Variants in FOXJ2 observed in about 807,000 individuals in gnomAD.
FOXJ2 encodes the protein forkhead box protein J2.
A neutral mutation model predicts 68.4 loss-of-function variants in FOXJ2; 18 were observed. The observed-to-expected ratio is 0.26, with a 90% CI of 0.18 to 0.39. FOXJ2 has a LOEUF of 0.39. FOXJ2 is among the 10% of genes least tolerant of loss of function. The pLI, the probability that FOXJ2 is intolerant of heterozygous loss-of-function variation, is 1.00. For synonymous variants in FOXJ2, 274 were observed against 263.2 expected, an observed-to-expected ratio of 1.04 and a Z score of -0.40; for missense variants, 670 against 726.5, an observed-to-expected ratio of 0.92 and a Z score of 0.89.
chr12:8,054,337 A>C lies in FOXJ2; in HGVS notation c.*1487A>C. The C allele has an allele frequency of 6.6e-6, 1 of 152,224 alleles. No homozygotes were observed. Among genetic ancestry groups the C allele is most frequent in the East Asian group, 1.9e-4 (1 of 5,198 alleles). The allele number at this position is 152,224 out of a possible 1,614,324, so 9.4% of individuals were successfully genotyped here. A position where few individuals can be genotyped will look rare whatever the true frequency, so the allele number is the denominator to read the frequency against. ...AATTTTAGTTACGAGAGGGAAGAAC[A>C]ATTTTACTTCTGTCCTTATTTCACT... On this transcript the variant is annotated 3_prime_UTR_variant, in exon 11 of 11. Transcript: ENST00000162391.
chr12:8,039,064 C>A (rs1946933124), intron 1 of FOXJ2, among the ~76,000 whole-genome samples: 1 of 152,086 alleles, frequency 6.6e-6, no homozygotes, highest in Admixed American at 6.6e-5. Context: ...CAAGGGGTAG[C>A]TTAAAAAGTG....
At chr12:8,043,863 G>T (rs1591578003) in intron 4 of FOXJ2, 88 bp from the exon 5 acceptor site, 1 of 1,601,326 alleles carries the variant, frequency 6.2e-7, no homozygotes, top group East Asian at 2.2e-5. Flanking sequence ...AGGCAAAGGT[G>T]GAAGGAATAC....
chr12:8,050,281 T>G, intron 9 of FOXJ2: 3 of 1,226,856 alleles, frequency 2.4e-6, no homozygotes, highest in East Asian at 3.6e-5. Context: ...TGGCCCTGTG[T>G]TTCTATATTT....
rs1468857325 is a variant in FOXJ2 at position 8,040,697 on chromosome 12, A to C, written c.333+532A>C. On this transcript the variant is annotated intron_variant, in intron 2 of 10. Coordinates refer to ENST00000162391, the MANE Select transcript of FOXJ2 (RefSeq NM_018416.3). This position sits in a 1 kb window ranked among gnomAD's most constrained non-coding sequence, Gnocchi z 4.0. ...CAGCCTCCCAAAGTGCTGAGATTAC[A>C]GGCATGAGCCACTGCACCCGGCCCA... is the stretch of plus-strand genomic sequence containing the variant. 2.6e-5 allele frequency among the ~76,000 whole-genome samples: 4 copies of C among 152,060 alleles called. No individual in the cohort carries two copies. The highest frequency in any genetic ancestry group is 9.7e-5 in the African/African-American group (4 of 41,398).
chr12:8,050,228 G>A lies in FOXJ2; in HGVS notation c.1538-294G>A, dbSNP rs758846049. The stretch of plus-strand genomic sequence containing the variant: ...TGGACTCAAGGGATCTACCCACCTC[G>A]GCTGCCCAAAGTGTTGGGATTACAG... On this transcript the variant is annotated intron_variant, in intron 9 of 10. Coordinates refer to ENST00000162391, the MANE Select transcript of FOXJ2 (RefSeq NM_018416.3). 5.3e-5 allele frequency: 40 copies of A among 749,112 alleles called. No homozygotes were observed. In the African/African-American group the frequency reaches 6.3e-4, roughly 12 times the overall value. The allele number at this position is 749,112 out of a possible 1,614,324, so 46.4% of individuals were successfully genotyped here.
chr12:8,044,954 G>A lies in FOXJ2; in HGVS notation c.813G>A (p.Gln271=). The A allele has an allele frequency of 6.2e-7, 1 of 1,614,196 alleles. No individual in the cohort carries two copies. Among genetic ancestry groups the A allele is most frequent in the Admixed American group, 1.7e-5 (1 of 60,028 alleles). Residue 271 remains glutamine (Q), a synonymous_variant, in exon 6 of 11, where the codon CAG becomes CAA. Coordinates refer to ENST00000162391, the MANE Select transcript of FOXJ2 (RefSeq NM_018416.3). Reference sequence around the variant, plus strand: ...TGGAGAAGTCCTCTTCCTCCTCTCAGCACGGTGAGTCTGGAGTTGGGATGG... The same window carrying A: ...TGGAGAAGTCCTCTTCCTCCTCTCAACACGGTGAGTCTGGAGTTGGGATGG... ...SMLEKSSSSS[Q]HGFSSLLGDI...
intron 7 of FOXJ2, 37 bp downstream of exon 7, chr12:8,048,326 T>A (rs199568294): frequency 6.6e-7 from 1 of 1,514,352 alleles, no homozygotes; most frequent in East Asian, 2.3e-5. Context: ...TAGAGGAGGG[T>A]GGGGTGATGT....
At chr12:8,047,745 C>A (rs768474264) in intron 6 of FOXJ2, 137 bp from the exon 7 acceptor site, 34 of 1,197,188 alleles carry the variant, frequency 2.8e-5, no homozygotes, top group Middle Eastern at 2.8e-4. Flanking sequence ...CCACAGGGAT[C>A]TTTGCTGCCC....
Position 8,053,759 on chromosome 12 carries a change from AAATT to A in FOXJ2, c.*914_*917del, listed in dbSNP as rs373401792. ...GCTTTTTAAACATAATTTTCTCTGA[AAATT>A]AATTGTGGCTCTTATTTGCATTTAC... On this transcript the variant is annotated 3_prime_UTR_variant, in exon 11 of 11. Transcript: ENST00000162391. The surrounding 1 kb of genome is among the most constrained non-coding windows in gnomAD (Gnocchi z 4.1). 1.5e-3 allele frequency: 226 copies of A among 152,338 alleles called. 1 individual carries two copies. The highest frequency in any genetic ancestry group is 5.2e-3 in the African/African-American group (216 of 41,578). 9.4% of individuals were successfully genotyped at this position (152,338 alleles called of 1,614,324 possible). A position where few individuals can be genotyped will look rare whatever the true frequency, so the allele number is the denominator to read the frequency against.
intron 1 of FOXJ2, among the ~76,000 whole-genome samples, chr12:8,037,133 C>G (rs1946908198): frequency 6.6e-6 from 1 of 152,092 alleles, no homozygotes; most frequent in Non-Finnish European, 1.5e-5. Context: ...AACACTTCAT[C>G]AGAGAGGCAC....
rs957944635 is a variant in FOXJ2, at chr12:8,045,003, G to A, written c.817+45G>A. 4 of 1,542,284 alleles carry A rather than the reference G, an allele frequency of 2.6e-6. No homozygotes were observed. The African/African-American group carries it at 5.5e-5, about 21-fold the overall frequency. On this transcript the variant is annotated intron_variant, in intron 6 of 10. Transcript: ENST00000162391. ...GGGTGCAGGGAGACTTTTTTATCTT[G>A]TTGAACAAGTGGGGTGACATTTTCT... is the stretch of plus-strand genomic sequence containing the variant.
chr12:8,049,221 T>C (rs1339814422), intron 8 of FOXJ2, 141 bp from the exon 9 acceptor site: 8 of 674,522 alleles, frequency 1.2e-5, no homozygotes, highest in Non-Finnish European at 1.8e-5. Context: ...TGCAGAGCTC[T>C]GAAAGATATA....
chr12:8,039,654 C>G (rs921422228), intron 1 of FOXJ2, among the ~76,000 whole-genome samples, 165 bp from the exon 2 acceptor site: 1 of 152,178 alleles, frequency 6.6e-6, no homozygotes, highest in East Asian at 1.9e-4. Context: ...AGTCCATCAT[C>G]TGGTAGATAG....
In FOXJ2 at chr12:8,038,660, C is replaced by T. The variant is rs1378582040; in HGVS notation, c.-14-1159C>T. ...TACCTAGGGGTTCCTGCCAGCCTTT[C>T]TAGACCCTGCAATACAGATATCACC... On this transcript the variant is annotated intron_variant, in intron 1 of 10. Transcript: ENST00000162391. The surrounding 1 kb of genome is among the most constrained non-coding windows in gnomAD (Gnocchi z 5.3). Among the ~76,000 whole-genome samples, 1 of 152,184 alleles carries T rather than the reference C, an allele frequency of 6.6e-6. No homozygotes were observed. The highest frequency in any genetic ancestry group is 1.5e-5 in the Non-Finnish European group (1 of 68,026).
In FOXJ2 at chr12:8,052,669, G is replaced by A. The variant is rs78896056; in HGVS notation, c.1637-93G>A. On this transcript the variant is annotated intron_variant, in intron 10 of 10. Coordinates refer to ENST00000162391, the MANE Select transcript of FOXJ2 (RefSeq NM_018416.3). ...GCGATAGCCTCACAAGGCCTTCTTC[G>A]TGGTGTTATCTGGGGCTGAGCACTG... The A allele has an allele frequency of 5.8e-3, 6,252 of 1,075,234 alleles. 179 individuals are homozygous for A. The African/African-American group carries it at 0.073, about 13-fold the overall frequency. The allele number at this position is 1,075,234 out of a possible 1,614,324, so 66.6% of individuals were successfully genotyped here. A position where few individuals can be genotyped will look rare whatever the true frequency, so the allele number is the denominator to read the frequency against.
chr12:8,044,642 T>C (rs1301907632), intron 5 of FOXJ2, 118 bp from the exon 6 acceptor site: 8 of 948,690 alleles, frequency 8.4e-6, no homozygotes, highest in Non-Finnish European at 1.3e-5. Context: ...TGATGCTGGG[T>C]CATTGAAGAG....
Position 8,033,064 on chromosome 12 carries a change from G to C in FOXJ2, c.-784G>C. 2.6e-6 allele frequency: 1 copy of C among 391,878 alleles called. No individual in the cohort carries two copies. Among genetic ancestry groups the C allele is most frequent in the Non-Finnish European group, 4.5e-6 (1 of 222,302 alleles). The allele number at this position is 391,878 out of a possible 1,614,324, so 24.3% of individuals were successfully genotyped here. On this transcript the variant is annotated 5_prime_UTR_variant, in exon 1 of 11. Transcript: ENST00000162391. Reference sequence around the variant, plus strand: ...TGGAGAGAAAAGACCCTTACCACTCGGGTGAGGGAAAGAAGAGACCCCTGG... The same window carrying C: ...TGGAGAGAAAAGACCCTTACCACTCCGGTGAGGGAAAGAAGAGACCCCTGG...
chr12:8,045,814 C>T (rs1235169726), intron 6 of FOXJ2, among the ~76,000 whole-genome samples: 2 of 150,890 alleles, frequency 1.3e-5, no homozygotes, highest in African/African-American at 2.4e-5. Context: ...CCCGCCACCA[C>T]GCCTGGCTAA....
rs752332088 is a variant in FOXJ2 at position 8,050,555 on chromosome 12, T to C, written c.1571T>C (p.Leu524Pro). 3 of 1,607,392 alleles carry C rather than the reference T, an allele frequency of 1.9e-6. No individual in the cohort carries two copies. In the Admixed American group the frequency reaches 5.0e-5, roughly 27 times the overall value. The change falls in exon 10 of 11, where the codon CTC becomes CCC. Residue 524 changes from leucine to proline, a missense_variant. Physicochemically the swap from Leu to Pro is moderately conservative, Grantham distance 98. Around this residue, in one of 2 missense-constraint regions of FOXJ2, gnomAD observed 555 missense variants for 562.2 expected, o/e 0.99. Coordinates refer to ENST00000162391, the MANE Select transcript of FOXJ2 (RefSeq NM_018416.3). ...NSYGHPQAPHLYPGPSPMYPI... is the reference protein window; with the variant it reads ...NSYGHPQAPHPYPGPSPMYPI... ...TATGGGCACCCACAAGCTCCCCACC[T>C]CTACCCTGGCCCATCACCAATGTAC...
Sources: allele counts gnomAD v4.1 joint callset (sites outside exome capture counted in the v4.1 genomes callset), GRCh38; gene constraint gnomAD v4.1.1; regional missense constraint gnomAD v4.1.1; non-coding constraint Gnocchi (gnomAD v3.1); transcripts MANE v1.5; gene names NCBI Gene and HGNC (gene_info 2026-07-23, HGNC 2026-07-21).